Variants in DLGAP2 observed in about 807,000 individuals in gnomAD.
DLGAP2 encodes the protein disks large-associated protein 2.
In DLGAP2, 26 loss-of-function variants were observed where a neutral mutation model predicts 100.3. The ratio of observed to expected loss-of-function variants is 0.26; its 90% CI spans 0.19 to 0.36. The LOEUF is 0.36. Ranked by LOEUF, DLGAP2 falls within the 10% of genes least tolerant of loss-of-function variation. The pLI, the probability that DLGAP2 is intolerant of heterozygous loss-of-function variation, is 1.00. For missense variants in DLGAP2, 1,858 were observed against 1,453.2 expected, an observed-to-expected ratio of 1.28 and a Z score of -4.53; for synonymous variants, 886 against 630.1, an observed-to-expected ratio of 1.41 and a Z score of -6.08.
chr8:1,663,100 G>A (rs556285873), intron 8 of DLGAP2, among the ~76,000 whole-genome samples: 3 of 133,542 alleles, frequency 2.2e-5, no homozygotes, highest in African/African-American at 5.8e-5. Flanking sequence ...TGTGGGGGAT[G>A]TGTGCCTGTG....
chr8:1,692,774 T>A (rs1252946721), intron 13 of DLGAP2, among the ~76,000 whole-genome samples: 1 of 152,028 alleles, frequency 6.6e-6, no homozygotes, highest in Non-Finnish European at 1.5e-5. Flanking sequence ...ATGAACTAGA[T>A]GATTAATACA....
intron 2 of DLGAP2, among the ~76,000 whole-genome samples, chr8:1,199,956 C>G (rs2076591576): frequency 1.3e-5 from 2 of 152,086 alleles, no homozygotes; most frequent in Non-Finnish European, 1.5e-5. Flanking sequence ...CAACCCCCCG[C>G]AGAGGCCGGG....
At chr8:1,277,248 A>C (rs1799716874) in intron 3 of DLGAP2, among the ~76,000 whole-genome samples, 1 of 152,152 alleles carries the variant, frequency 6.6e-6, no homozygotes, top group Non-Finnish European at 1.5e-5. Context: ...CTTCTTCCCC[A>C]TTCTGAAGTG....
chr8:1,414,664 C>G (rs959999461), intron 3 of DLGAP2, among the ~76,000 whole-genome samples: 1 of 148,400 alleles, frequency 6.7e-6, no homozygotes, highest in African/African-American at 2.5e-5. Flanking sequence ...TCCAGGCGTC[C>G]TCTGCCCTCA....
chr8:1,229,531 T>G (rs1050316340), intron 2 of DLGAP2, among the ~76,000 whole-genome samples: 1 of 145,150 alleles, frequency 6.9e-6, no homozygotes, highest in African/African-American at 2.4e-5. Context: ...TAATAGTCTC[T>G]GAGGATCTTT....
intron 2 of DLGAP2, among the ~76,000 whole-genome samples, chr8:923,781 T>A (rs1217345239): frequency 6.6e-6 from 1 of 152,050 alleles, no homozygotes; most frequent in Admixed American, 6.6e-5. Flanking sequence ...CGTAACTAAT[T>A]AAGGGAAAAT....
At chr8:1,436,174 A>G (rs1181262410) in intron 3 of DLGAP2, among the ~76,000 whole-genome samples, 2 of 152,194 alleles carry the variant, frequency 1.3e-5, no homozygotes, top group East Asian at 3.9e-4. Flanking sequence ...AAGCTGAGGA[A>G]CCAGGAAGCC....
intron 3 of DLGAP2, among the ~76,000 whole-genome samples, chr8:1,482,753 C>A (rs1051183921): frequency 2.0e-5 from 3 of 152,252 alleles, no homozygotes; most frequent in African/African-American, 4.8e-5. Context: ...CGTCTCCCCG[C>A]CCCAAACACA....
At chr8:1,105,738 C>T (rs1444324546) in intron 2 of DLGAP2, among the ~76,000 whole-genome samples, 21 of 148,742 alleles carry the variant, frequency 1.4e-4, no homozygotes, top group African/African-American at 5.2e-4. Flanking sequence ...TTAAGGGGGC[C>T]ATTCTAGGAG....
chr8:1,454,476 TA>T (rs1359343507), intron 3 of DLGAP2, among the ~76,000 whole-genome samples: 1 of 152,042 alleles, frequency 6.6e-6, no homozygotes, highest in Non-Finnish European at 1.5e-5. Context: ...ACAGCAACTG[TA>T]GTGGTGACTC....
At chr8:1,471,587 C>G (rs928142236) in intron 3 of DLGAP2, among the ~76,000 whole-genome samples, 74 of 151,576 alleles carry the variant, frequency 4.9e-4, no homozygotes, top group Middle Eastern at 6.8e-3. Context: ...AGCCTCCCTC[C>G]TAACCTCCTC....
chr8:1,235,020 GTCTAAT>G (rs1798614195), intron 2 of DLGAP2, among the ~76,000 whole-genome samples: 1 of 151,602 alleles, frequency 6.6e-6, no homozygotes, highest in Admixed American at 6.6e-5. Flanking sequence ...ATAGCGTTGT[GTCTAAT>G]TCTCTCTCAC....
At chr8:1,449,613 T>C (rs1312113079) in intron 3 of DLGAP2, among the ~76,000 whole-genome samples, 1 of 152,182 alleles carries the variant, frequency 6.6e-6, no homozygotes, top group Non-Finnish European at 1.5e-5. Flanking sequence ...CTCTGCATTC[T>C]GAACGGGCAA....
intron 4 of DLGAP2, among the ~76,000 whole-genome samples, chr8:1,523,919 A>T (rs1800702313): frequency 6.6e-6 from 1 of 152,182 alleles, no homozygotes; most frequent in South Asian, 2.1e-4. Flanking sequence ...GGCCTGAGAT[A>T]ATCTTAAGCT....
chr8:1,008,059 C>T (rs1801172704), intron 2 of DLGAP2, among the ~76,000 whole-genome samples: 1 of 152,186 alleles, frequency 6.6e-6, no homozygotes, highest in Non-Finnish European at 1.5e-5. Flanking sequence ...GTGCACTCTC[C>T]AGGCTAGAAT....
At chr8:1,116,012 G>A (rs1288088738) in intron 2 of DLGAP2, among the ~76,000 whole-genome samples, 2 of 152,210 alleles carry the variant, frequency 1.3e-5, no homozygotes, top group Non-Finnish European at 2.9e-5. Context: ...CACCGTGGGA[G>A]CCATTCACTC....
intron 3 of DLGAP2, among the ~76,000 whole-genome samples, chr8:1,266,445 C>G (rs976250120): frequency 2.0e-5 from 3 of 152,184 alleles, no homozygotes; most frequent in Non-Finnish European, 4.4e-5. Flanking sequence ...CCAAGAATCC[C>G]TCTCCCCATC....
intron 1 of DLGAP2, among the ~76,000 whole-genome samples, chr8:843,418 T>A (rs573122730): frequency 6.6e-6 from 1 of 152,338 alleles, no homozygotes; most frequent in Non-Finnish European, 1.5e-5. Flanking sequence ...GGGAGACCCC[T>A]CTGCACACTG....
chr8:1,379,865 CCTG>C (rs1563116439), intron 3 of DLGAP2, among the ~76,000 whole-genome samples: 2 of 84,074 alleles, frequency 2.4e-5, no homozygotes, highest in Non-Finnish European at 6.1e-5. Flanking sequence ...TCGGTGGGGG[CCTG>C]CTGATTTGGG....
Sources: allele counts gnomAD v4.1 joint callset (sites outside exome capture counted in the v4.1 genomes callset), GRCh38; gene constraint gnomAD v4.1.1; transcripts MANE v1.5; gene names NCBI Gene and HGNC (gene_info 2026-07-23, HGNC 2026-07-21).